KDM4C: variants seen among roughly 807,000 people sequenced by gnomAD.
KDM4C encodes the protein lysine-specific demethylase 4C.
KDM4C carries 81 observed loss-of-function variants against 129.3 expected under a neutral mutation model. The observed-to-expected ratio is 0.63, with a 90% CI of 0.52 to 0.75. The LOEUF (loss-of-function observed/expected upper bound fraction) is 0.75. Ranked by LOEUF, KDM4C falls within the 30% of genes least tolerant of loss-of-function variation. The probability of loss-of-function intolerance (pLI) is 0.00; values close to 1 mark genes in which losing one functional copy is unlikely to be tolerated. For missense variants in KDM4C, 1,457 were observed against 1,304.0 expected, an observed-to-expected ratio of 1.12 and a Z score of -1.81; for synonymous variants, 573 against 456.1, an observed-to-expected ratio of 1.26 and a Z score of -3.26.
chr9:6,906,006 C>T (rs1160751635), intron 8 of KDM4C, among the ~76,000 whole-genome samples: 2 of 152,090 alleles, frequency 1.3e-5, no homozygotes, highest in Non-Finnish European at 2.9e-5. Context: ...AGCCCAGATT[C>T]AAATGACTGA....
At chr9:7,130,904 C>A (rs7035078) in intron 19 of KDM4C, among the ~76,000 whole-genome samples, 81,210 of 150,644 alleles carry the variant, frequency 0.54, 22,236 homozygotes, top group Middle Eastern at 0.64. Flanking sequence ...GACCACAGCC[C>A]TGTGCCACCA....
chr9:6,982,047 ACAAT>A (rs1404889341), intron 9 of KDM4C: 1 of 152,284 alleles, frequency 6.6e-6, no homozygotes, highest in African/African-American at 2.4e-5. Flanking sequence ...TAATAATCTG[ACAAT>A]CAGTTTTGAG....
chr9:6,760,211 G>A (rs989864850), intron 1 of KDM4C, among the ~76,000 whole-genome samples: 1 of 151,650 alleles, frequency 6.6e-6, no homozygotes, highest in Admixed American at 6.6e-5. Context: ...TACACTATCT[G>A]GTCTTCTGTG....
chr9:6,773,462 G>A (rs181434427), intron 1 of KDM4C, among the ~76,000 whole-genome samples: 13 of 152,206 alleles, frequency 8.5e-5, no homozygotes, highest in Non-Finnish European at 1.8e-4. Flanking sequence ...CATTTAATCT[G>A]TCAGTTTAAT....
At chr9:6,817,657 ATTGT>A (rs1429206436) in intron 4 of KDM4C, among the ~76,000 whole-genome samples, 1 of 151,966 alleles carries the variant, frequency 6.6e-6, no homozygotes, top group Non-Finnish European at 1.5e-5. Flanking sequence ...TTGAGAATGT[ATTGT>A]TTATTAAAGT....
At chr9:7,012,281 G>C (rs1207129157) in intron 13 of KDM4C, among the ~76,000 whole-genome samples, 1 of 152,048 alleles carries the variant, frequency 6.6e-6, no homozygotes, top group East Asian at 1.9e-4. Context: ...GTCTTACTAT[G>C]TTGCCTAGGC....
At chr9:6,863,179 C>T (rs1224492325) in intron 5 of KDM4C, among the ~76,000 whole-genome samples, 2 of 151,936 alleles carry the variant, frequency 1.3e-5, no homozygotes, top group Non-Finnish European at 2.9e-5. Flanking sequence ...CCCCCCACCC[C>T]ATGTTTTGAT....
chr9:7,166,756 A>C (rs1451375943), intron 20 of KDM4C, among the ~76,000 whole-genome samples: 2 of 152,236 alleles, frequency 1.3e-5, no homozygotes, highest in Non-Finnish European at 2.9e-5. Context: ...CATAATGAGA[A>C]TATGTTGAAA....
intron 1 of KDM4C, among the ~76,000 whole-genome samples, chr9:6,791,229 A>G (rs931300888): frequency 2.0e-5 from 3 of 152,122 alleles, no homozygotes; most frequent in African/African-American, 4.8e-5. Context: ...TTCCTGCCTC[A>G]GTCTCCCTAG....
At position 6,957,155 on chromosome 9, in the gene KDM4C, G is replaced by A. The variant is rs141580083; in HGVS notation, c.922-23770G>A. On this transcript the variant is annotated intron_variant, in intron 8 of 21. Coordinates refer to ENST00000381309, the MANE Select transcript of KDM4C (RefSeq NM_015061.6). ...GTAGAAAATAATGACTCTGGCATAAGCTGTTTTATTTGTAATGCCTTGCAA... is the reference window on the plus strand; with the variant it reads ...GTAGAAAATAATGACTCTGGCATAAACTGTTTTATTTGTAATGCCTTGCAA... Among the ~76,000 whole-genome samples the A allele has an allele frequency of 2.2e-4, 34 of 152,246 alleles. No individual in the cohort carries two copies. The East Asian group carries it at 4.8e-3, about 22-fold the overall frequency.
At chr9:6,949,779 G>A (rs533148677) in intron 8 of KDM4C, among the ~76,000 whole-genome samples, 6 of 152,182 alleles carry the variant, frequency 3.9e-5, no homozygotes, top group South Asian at 2.1e-4. Flanking sequence ...TGCAGTGAGC[G>A]GAGATGGCAG....
intron 19 of KDM4C, among the ~76,000 whole-genome samples, chr9:7,134,414 A>G (rs958641999): frequency 2.6e-5 from 4 of 152,354 alleles, no homozygotes; most frequent in Non-Finnish European, 2.9e-5. Flanking sequence ...TCCTTGATTA[A>G]TGTTCACATG....
intron 15 of KDM4C, among the ~76,000 whole-genome samples, chr9:7,030,426 A>T (rs1470332281): frequency 6.6e-6 from 1 of 152,196 alleles, no homozygotes; most frequent in Non-Finnish European, 1.5e-5. Flanking sequence ...CATAGAATGT[A>T]CAACACCAAG....
chr9:6,990,339 G>T (rs1818499364), intron 11 of KDM4C, 77 bp from the exon 12 acceptor site: 3 of 937,802 alleles, frequency 3.2e-6, no homozygotes, highest in Non-Finnish European at 5.1e-6. Flanking sequence ...ATAAATAATT[G>T]TGAACTGTAG....
intron 15 of KDM4C, among the ~76,000 whole-genome samples, chr9:7,040,897 ATT>A (rs1310984169): frequency 6.6e-6 from 1 of 151,668 alleles, no homozygotes; most frequent in African/African-American, 2.4e-5. Flanking sequence ...GTTTGCTGCA[ATT>A]TTTTGATCTG....
chr9:6,974,093 T>C (rs1451788488), intron 8 of KDM4C, among the ~76,000 whole-genome samples: 1 of 152,172 alleles, frequency 6.6e-6, no homozygotes, highest in African/African-American at 2.4e-5. Flanking sequence ...CCAGTTACTA[T>C]CCTTGTGACA....
intron 4 of KDM4C, among the ~76,000 whole-genome samples, chr9:6,836,322 A>C (rs932502632): frequency 6.6e-6 from 1 of 152,212 alleles, no homozygotes; most frequent in East Asian, 1.9e-4. Flanking sequence ...CGGTGCGCCA[A>C]GATCATGCCA....
intron 12 of KDM4C, among the ~76,000 whole-genome samples, chr9:6,992,500 A>G (rs1439533902): frequency 1.3e-5 from 2 of 152,192 alleles, no homozygotes; most frequent in African/African-American, 4.8e-5. Context: ...GATTAGAAAA[A>G]TCAGAGAAGT....
rs147398524 is a variant in KDM4C at position 6,741,750 on chromosome 9, T to G, written c.49+20753T>G. On this transcript the variant is annotated intron_variant, in intron 1 of 17. Transcript: ENST00000536108. ...TTTTTTTTTTACTTTTTAAAAATAA[T>G]AGAGACAGGGTCTAACTATGTTTCC... is the stretch of plus-strand genomic sequence containing the variant. Among the ~76,000 whole-genome samples the G allele has an allele frequency of 6.4e-3, 941 of 147,450 alleles. 8 individuals are homozygous for G. Among genetic ancestry groups the G allele is most frequent in the African/African-American group, 0.022 (879 of 39,972 alleles).
Sources: allele counts gnomAD v4.1 joint callset (sites outside exome capture counted in the v4.1 genomes callset), GRCh38; gene constraint gnomAD v4.1.1; transcripts MANE v1.5; gene names NCBI Gene and HGNC (gene_info 2026-07-23, HGNC 2026-07-21).